Variants in GULP1 observed in about 807,000 individuals in gnomAD.
GULP1 encodes the protein PTB domain-containing engulfment adapter protein 1.
GULP1 carries 19 observed loss-of-function variants against 40.9 expected under a neutral mutation model. That is an observed-to-expected ratio of 0.46 (90% CI 0.32 to 0.68). The LOEUF (loss-of-function observed/expected upper bound fraction) is 0.68. Among genes scored for constraint, GULP1 ranks in the 30% least tolerant of loss-of-function variants. GULP1 has a pLI of 0.03. For missense variants in GULP1, 312 were observed against 362.2 expected, an observed-to-expected ratio of 0.86 and a Z score of 1.12; for synonymous variants, 119 against 117.6, an observed-to-expected ratio of 1.01 and a Z score of -0.08.
At chr2:188,413,532 G>A (rs550554152) in intron 2 of GULP1, among the ~76,000 whole-genome samples, 38 of 152,198 alleles carry the variant, frequency 2.5e-4, no homozygotes, top group African/African-American at 9.2e-4. Flanking sequence ...TTTTGATGGG[G>A]TTGTTTGATT....
At chr2:188,450,503 TA>T (rs935178631) in intron 2 of GULP1, among the ~76,000 whole-genome samples, 1 of 152,062 alleles carries the variant, frequency 6.6e-6, no homozygotes, top group African/African-American at 2.4e-5. Flanking sequence ...TCTTCAGTAT[TA>T]AAAAAGTAGT....
rs2034079908 is a variant in GULP1, at chr2:188,292,849, G to A, written c.-172+683G>A. 2 of 152,808 alleles carry A rather than the reference G, an allele frequency of 1.3e-5. No individual in the cohort carries two copies. Among genetic ancestry groups the A allele is most frequent in the Admixed American group, 1.3e-4 (2 of 15,294 alleles). 9.5% of individuals were successfully genotyped at this position (152,808 alleles called of 1,614,324 possible). ...GCTTCTTCTGGAGGGCGCAAGGCGC[G>A]GCGGGGGTGATGAGCCCTTGGGTTC... is the stretch of plus-strand genomic sequence containing the variant. On this transcript the variant is annotated intron_variant, in intron 1 of 11. Coordinates refer to ENST00000409830, the MANE Select transcript of GULP1 (RefSeq NM_016315.4). The surrounding 1 kb of genome is among the most constrained non-coding windows in gnomAD (Gnocchi z 4.0).
At chr2:188,310,495 G>A (rs1318016151) in intron 1 of GULP1, among the ~76,000 whole-genome samples, 1 of 152,166 alleles carries the variant, frequency 6.6e-6, no homozygotes, top group Non-Finnish European at 1.5e-5. Flanking sequence ...TTGGTTGACT[G>A]GATTGCAGTA....
chr2:188,334,823 C>T (rs2042056430), intron 1 of GULP1, among the ~76,000 whole-genome samples: 1 of 152,164 alleles, frequency 6.6e-6, no homozygotes, highest in African/African-American at 2.4e-5. Flanking sequence ...AAGGTCAATA[C>T]CTTTCCTCCA....
At chr2:188,549,855 C>A (rs970039206) in intron 7 of GULP1, among the ~76,000 whole-genome samples, 1 of 151,686 alleles carries the variant, frequency 6.6e-6, no homozygotes, top group African/African-American at 2.4e-5. Context: ...CCTGTGTACT[C>A]TATGATTCCA....
intron 2 of GULP1, among the ~76,000 whole-genome samples, chr2:188,436,489 G>C (rs755360786): frequency 6.6e-6 from 1 of 151,818 alleles, no homozygotes; most frequent in Non-Finnish European, 1.5e-5. Flanking sequence ...ATCCTCCCAA[G>C]TTCTCATTAT....
chr2:188,518,473 TC>T (rs1395214178), intron 4 of GULP1, among the ~76,000 whole-genome samples: 1 of 152,024 alleles, frequency 6.6e-6, no homozygotes, highest in Non-Finnish European at 1.5e-5. Flanking sequence ...GCCAAGTCAG[TC>T]GTTGGCTAAG....
chr2:188,367,281 G>A (rs200912993), intron 1 of GULP1, among the ~76,000 whole-genome samples: 1 of 152,174 alleles, frequency 6.6e-6, no homozygotes, highest in African/African-American at 2.4e-5. Flanking sequence ...AACTGGTCAC[G>A]ATGGTTAGGG....
chr2:188,435,383 G>A (rs1210114056), intron 2 of GULP1, among the ~76,000 whole-genome samples: 2 of 152,046 alleles, frequency 1.3e-5, no homozygotes, highest in African/African-American at 4.8e-5. Context: ...CGGGCTTTTG[G>A]TATCCTTTAT....
intron 2 of GULP1, among the ~76,000 whole-genome samples, chr2:188,429,605 T>C (rs1443574731): frequency 6.6e-6 from 1 of 152,212 alleles, no homozygotes; most frequent in East Asian, 1.9e-4. Flanking sequence ...CAAAGTAGTT[T>C]GGTTAACAAT....
At chr2:188,583,536 T>C (rs1701746899) in intron 9 of GULP1, among the ~76,000 whole-genome samples, 1 of 152,206 alleles carries the variant, frequency 6.6e-6, no homozygotes, top group Non-Finnish European at 1.5e-5. Flanking sequence ...AATTTTGATA[T>C]TACTTCTTGG....
chr2:188,531,135 A>G (rs1214102757), intron 6 of GULP1, among the ~76,000 whole-genome samples: 2 of 152,142 alleles, frequency 1.3e-5, no homozygotes, highest in South Asian at 2.1e-4. Flanking sequence ...CATCTATTGG[A>G]TGCTTGTTAG....
chr2:188,348,441 G>T (rs538967935), intron 1 of GULP1, among the ~76,000 whole-genome samples: 7 of 152,212 alleles, frequency 4.6e-5, no homozygotes, highest in African/African-American at 1.7e-4. Flanking sequence ...CTTGCCTCAT[G>T]ATTTGAATGT....
intron 7 of GULP1, among the ~76,000 whole-genome samples, chr2:188,556,591 ATTATG>A (rs1694819329): frequency 6.6e-6 from 1 of 152,048 alleles, no homozygotes; most frequent in Non-Finnish European, 1.5e-5. Flanking sequence ...CTGGAGAATT[ATTATG>A]TTTCTTTCAA....
chr2:188,541,412 A>C, intron 7 of GULP1, 94 bp downstream of exon 7: 1 of 1,012,360 alleles, frequency 9.9e-7, no homozygotes, highest in Non-Finnish European at 1.6e-6. Flanking sequence ...GAAAATGAAT[A>C]ATTTTCTGTA....
At chr2:188,338,368 T>C (rs2042547563) in intron 1 of GULP1, among the ~76,000 whole-genome samples, 1 of 151,230 alleles carries the variant, frequency 6.6e-6, no homozygotes, top group Admixed American at 6.6e-5. Flanking sequence ...AGTCTCCATC[T>C]CCCAGGGCTC....
In GULP1 at chr2:188,447,574, T is replaced by C. The variant is rs575346553; in HGVS notation, c.-44-30085T>C. Among the ~76,000 whole-genome samples, 7 of 152,314 alleles carry C rather than the reference T, an allele frequency of 4.6e-5. No homozygotes were observed. In the East Asian group the frequency reaches 7.7e-4, roughly 17 times the overall value. On this transcript the variant is annotated intron_variant, in intron 2 of 11. Coordinates refer to ENST00000409830, the MANE Select transcript of GULP1 (RefSeq NM_016315.4). Reference sequence around the variant, plus strand: ...ACACCAGCTTACAGTAACATTCTGATCCCACTACTTGATTGACACATAAAT... The same window carrying C: ...ACACCAGCTTACAGTAACATTCTGACCCCACTACTTGATTGACACATAAAT...
intron 9 of GULP1, among the ~76,000 whole-genome samples, chr2:188,577,790 G>A (rs1158076514): frequency 6.6e-6 from 1 of 151,960 alleles, no homozygotes; most frequent in Non-Finnish European, 1.5e-5. Flanking sequence ...AATTAGAGAA[G>A]TCATTACCTT....
At chr2:188,576,167 A>T (rs1403485838) in intron 9 of GULP1, among the ~76,000 whole-genome samples, 1 of 152,102 alleles carries the variant, frequency 6.6e-6, no homozygotes, top group East Asian at 1.9e-4. Context: ...CTAGACAGCC[A>T]ATTGGAGATG....
Sources: allele counts gnomAD v4.1 joint callset (sites outside exome capture counted in the v4.1 genomes callset), GRCh38; gene constraint gnomAD v4.1.1; non-coding constraint Gnocchi (gnomAD v3.1); transcripts MANE v1.5; gene names NCBI Gene and HGNC (gene_info 2026-07-23, HGNC 2026-07-21).